BMPR1B: variants seen among roughly 807,000 people sequenced by gnomAD.
The protein encoded by BMPR1B is bone morphogenetic protein receptor type 1B.
BMPR1B carries 12 observed loss-of-function variants against 59.1 expected under a neutral mutation model. That is an observed-to-expected ratio of 0.20 (90% CI 0.13 to 0.33). The LOEUF (loss-of-function observed/expected upper bound fraction) is 0.33, where lower values mean the gene tolerates loss of function less well. Ranked by LOEUF, BMPR1B falls within the 10% of genes least tolerant of loss-of-function variation. The pLI is 1.00. For synonymous variants in BMPR1B, 237 were observed against 207.3 expected, an observed-to-expected ratio of 1.14 and a Z score of -1.23; for missense variants, 550 against 610.9, an observed-to-expected ratio of 0.90 and a Z score of 1.05.
At chr4:94,899,515 T>C (rs1365027044) in intron 2 of BMPR1B, among the ~76,000 whole-genome samples, 1 of 150,192 alleles carries the variant, frequency 6.7e-6, no homozygotes, top group Non-Finnish European at 1.5e-5. Flanking sequence ...ATATGACACT[T>C]CTGGGAAATT....
intron 3 of BMPR1B, among the ~76,000 whole-genome samples, chr4:95,055,720 G>A (rs1470393316): frequency 4.6e-5 from 7 of 152,142 alleles, no homozygotes; most frequent in South Asian, 2.1e-4. Context: ...GCCAAGTACA[G>A]ACTGAAATTA....
chr4:94,759,184 C>A (rs1000618344), intron 1 of BMPR1B, among the ~76,000 whole-genome samples: 2 of 152,226 alleles, frequency 1.3e-5, no homozygotes, highest in Non-Finnish European at 1.5e-5. Context: ...TTATTAGAAA[C>A]TGCTCTTTTC....
intron 2 of BMPR1B, among the ~76,000 whole-genome samples, chr4:94,986,023 G>A (rs886526294): frequency 4.6e-5 from 7 of 151,992 alleles, no homozygotes; most frequent in African/African-American, 1.7e-4. Flanking sequence ...TTTCTCTACT[G>A]GTGTTAAGTA....
chr4:94,789,241 C>G (rs571876208), intron 1 of BMPR1B, among the ~76,000 whole-genome samples: 3 of 152,198 alleles, frequency 2.0e-5, no homozygotes, highest in Non-Finnish European at 2.9e-5. Flanking sequence ...CACCCACTTA[C>G]CGAGTTTTTT....
intron 1 of BMPR1B, among the ~76,000 whole-genome samples, chr4:94,809,171 T>G (rs1723721015): frequency 6.6e-6 from 1 of 152,216 alleles, no homozygotes; most frequent in Admixed American, 6.5e-5. Context: ...TAATCAAAAT[T>G]TTAGAGTCAC....
intron 3 of BMPR1B, among the ~76,000 whole-genome samples, chr4:95,088,740 A>T (rs1451670698): frequency 1.3e-5 from 2 of 152,040 alleles, no homozygotes; most frequent in African/African-American, 4.8e-5. Flanking sequence ...TTTATCATAA[A>T]TCGGGCCTAT....
intron 1 of BMPR1B, among the ~76,000 whole-genome samples, chr4:94,796,187 A>T (rs1723187364): frequency 6.6e-6 from 1 of 151,770 alleles, no homozygotes; most frequent in Non-Finnish European, 1.5e-5. Context: ...CTGGCCTCGG[A>T]CTCCTGACCT....
chr4:94,992,605 GATAAATA>G (rs1417465347), intron 2 of BMPR1B, among the ~76,000 whole-genome samples: 9 of 152,190 alleles, frequency 5.9e-5, no homozygotes, highest in Admixed American at 5.9e-4. Context: ...GACAGTCCTT[GATAAATA>G]ATACTTCTAC....
chr4:95,030,721 C>T (rs1294581168), intron 3 of BMPR1B, among the ~76,000 whole-genome samples: 6 of 152,012 alleles, frequency 3.9e-5, no homozygotes, highest in African/African-American at 1.5e-4. Context: ...TCTTATACAC[C>T]AATAACAGAC....
chr4:95,013,040 T>C (rs935350513), intron 3 of BMPR1B, among the ~76,000 whole-genome samples: 3 of 151,980 alleles, frequency 2.0e-5, no homozygotes, highest in African/African-American at 7.2e-5. Context: ...GGCAATTTAT[T>C]TTTTTTAATG....
rs376810464 is a variant in BMPR1B at position 94,923,575 on chromosome 4, C to A, written c.-113+47675C>A. Among the ~76,000 whole-genome samples the A allele has an allele frequency of 2.0e-4, 31 of 152,212 alleles. No homozygotes were observed. In the East Asian group the frequency reaches 5.2e-3, roughly 26 times the overall value. ...CACTTCCACTTGATAAATGAGTGAA[C>A]CTTCTTGGACTTAAGTTTCTCAGAT... is the stretch of plus-strand genomic sequence containing the variant. On this transcript the variant is annotated intron_variant, in intron 2 of 12. Transcript: ENST00000515059.
intron 2 of BMPR1B, among the ~76,000 whole-genome samples, chr4:94,954,020 A>G (rs543865948): frequency 5.3e-5 from 8 of 151,790 alleles, no homozygotes; most frequent in African/African-American, 1.7e-4. Flanking sequence ...TTGATCTTCA[A>G]TCTCTGATAT....
intron 2 of BMPR1B, among the ~76,000 whole-genome samples, chr4:94,991,908 A>G (rs1049080430): frequency 4.6e-5 from 7 of 152,190 alleles, no homozygotes; most frequent in African/African-American, 1.7e-4. Context: ...ATACAAAACT[A>G]CTTACTGAAT....
chr4:95,107,781 T>C (rs879693968), intron 4 of BMPR1B, among the ~76,000 whole-genome samples: 3 of 152,066 alleles, frequency 2.0e-5, no homozygotes, highest in Non-Finnish European at 4.4e-5. Context: ...AGTTCTGACA[T>C]TGGTTCTGAA....
chr4:95,157,471 TG>T lies in BMPR1B; in HGVS notation c.*2799del, dbSNP rs1475877038. On this transcript the variant is annotated 3_prime_UTR_variant, in exon 13 of 13. Transcript: ENST00000515059. ...TAAATGAGAACCCAGAAATTAATAA[TG>T]TTGTTTATTGCTTACTGTCAGGACT... 6.6e-6 allele frequency: 1 copy of T among 152,058 alleles called. No individual in the cohort carries two copies. Among genetic ancestry groups the T allele is most frequent in the Non-Finnish European group, 1.5e-5 (1 of 67,968 alleles). The allele number at this position is 152,058 out of a possible 1,614,324, so 9.4% of individuals were successfully genotyped here.
chr4:95,124,937 C>A (rs1395933217), intron 7 of BMPR1B, 46 bp from the exon 8 acceptor site: 2 of 1,555,992 alleles, frequency 1.3e-6, no homozygotes, highest in East Asian at 2.2e-5. Context: ...TTTACTCCAT[C>A]ATTGCATTTC....
At chr4:95,040,213 A>G (rs1473952687) in intron 3 of BMPR1B, among the ~76,000 whole-genome samples, 1 of 152,202 alleles carries the variant, frequency 6.6e-6, no homozygotes, top group Non-Finnish European at 1.5e-5. Context: ...TATTTTCCAA[A>G]TAGTTGAAAA....
chr4:95,034,655 A>G (rs1725104509), intron 3 of BMPR1B, among the ~76,000 whole-genome samples: 1 of 151,756 alleles, frequency 6.6e-6, no homozygotes, highest in African/African-American at 2.4e-5. Flanking sequence ...ATATATATAT[A>G]TATGCTCCAT....
chr4:95,143,950 T>C (rs1471954380), intron 10 of BMPR1B, among the ~76,000 whole-genome samples: 4 of 152,116 alleles, frequency 2.6e-5, no homozygotes, highest in Admixed American at 6.6e-5. Context: ...TTACTGGAGA[T>C]TGTGATGGAA....
Sources: gnomAD v4.1 joint callset for allele counts (sites outside exome capture counted in the v4.1 genomes callset) on GRCh38, gnomAD v4.1.1 for gene constraint, MANE v1.5 for transcripts, NCBI Gene and HGNC (gene_info 2026-07-23, HGNC 2026-07-21) for gene names.